THRB: variants seen among roughly 807,000 people sequenced by gnomAD.
THRB encodes thyroid hormone receptor beta.
In THRB, 12 loss-of-function variants were observed where a neutral mutation model predicts 47.8. The ratio of observed to expected loss-of-function variants is 0.25; its 90% CI spans 0.16 to 0.41. The LOEUF is 0.41. THRB is among the 10% of genes least tolerant of loss of function. THRB has a pLI of 1.00. For missense variants in THRB, 348 were observed against 589.2 expected (o/e 0.59, Z 4.24); for synonymous variants, 218 against 212.2 (o/e 1.03, Z -0.24).
chr3:24,169,057 A>T (rs1194228178), intron 5 of THRB, among the ~76,000 whole-genome samples: 1 of 152,134 alleles, frequency 6.6e-6, no homozygotes, highest in Non-Finnish European at 1.5e-5. Flanking sequence ...AAGAAAGATA[A>T]TTGATAAGCT....
chr3:24,471,754 T>A (rs1000100592), intron 1 of THRB, among the ~76,000 whole-genome samples: 4 of 152,204 alleles, frequency 2.6e-5, no homozygotes, highest in African/African-American at 9.6e-5. Flanking sequence ...CATATGGTTG[T>A]TCAACTTGTG....
At chr3:24,218,645 T>C (rs1282915936) in intron 4 of THRB, among the ~76,000 whole-genome samples, 1 of 152,160 alleles carries the variant, frequency 6.6e-6, no homozygotes, top group Non-Finnish European at 1.5e-5. Context: ...TCCCTCATAA[T>C]GGCTGTTGTA....
intron 1 of THRB, among the ~76,000 whole-genome samples, chr3:24,364,868 G>C (rs1577110713): frequency 6.6e-6 from 1 of 152,160 alleles, no homozygotes; most frequent in Non-Finnish European, 1.5e-5. Flanking sequence ...TTTTGCTTTA[G>C]AGAAATACCA....
At chr3:24,336,448 A>ATAGT (rs142763897) in intron 2 of THRB, among the ~76,000 whole-genome samples, 4,723 of 152,318 alleles carry the variant, frequency 0.031, 87 homozygotes, top group African/African-American at 0.051. Context: ...CCATTTTTCC[A>ATAGT]TAGTTTTTAA....
chr3:24,192,369 A>C (rs1335448929), intron 4 of THRB, among the ~76,000 whole-genome samples: 2 of 152,180 alleles, frequency 1.3e-5, no homozygotes, highest in Non-Finnish European at 2.9e-5. Flanking sequence ...TTCTCAGCAC[A>C]CATGTTTTTA....
intron 2 of THRB, among the ~76,000 whole-genome samples, chr3:24,307,190 C>A (rs1353637423): frequency 1.3e-5 from 2 of 151,964 alleles, no homozygotes; most frequent in African/African-American, 4.8e-5. Context: ...TGAACACTAT[C>A]TGAAACCATG....
intron 3 of THRB, among the ~76,000 whole-genome samples, chr3:24,248,542 T>C (rs1430063179): frequency 6.6e-5 from 10 of 152,182 alleles, no homozygotes; most frequent in Non-Finnish European, 1.5e-5. Context: ...TGCTCTATTC[T>C]GTGATGCTGG....
intron 1 of THRB, among the ~76,000 whole-genome samples, chr3:24,378,611 G>T (rs2065465352): frequency 1.3e-5 from 2 of 152,100 alleles, no homozygotes; most frequent in South Asian, 4.2e-4. Flanking sequence ...GTGTATATAG[G>T]CCATTGAGCC....
intron 6 of THRB, among the ~76,000 whole-genome samples, chr3:24,150,390 G>T (rs542347762): frequency 6.6e-6 from 1 of 152,032 alleles, no homozygotes; most frequent in African/African-American, 2.4e-5. Flanking sequence ...TAAGTGATCC[G>T]CACAAGTACC....
At chr3:24,180,470 C>T (rs1163006572) in intron 5 of THRB, among the ~76,000 whole-genome samples, 1 of 152,180 alleles carries the variant, frequency 6.6e-6, no homozygotes, top group Non-Finnish European at 1.5e-5. Context: ...AAAGTCAAGT[C>T]CCTTATATAA....
At chr3:24,466,147 A>G (rs1181675197) in intron 1 of THRB, among the ~76,000 whole-genome samples, 1 of 152,168 alleles carries the variant, frequency 6.6e-6, no homozygotes, top group Non-Finnish European at 1.5e-5. Context: ...ATTAGTTTGT[A>G]AATGACTTCC....
intron 1 of THRB, among the ~76,000 whole-genome samples, chr3:24,485,098 C>T (rs1002314843): frequency 1.8e-4 from 27 of 152,142 alleles, no homozygotes; most frequent in African/African-American, 2.4e-4. Flanking sequence ...AAACTCAACA[C>T]GACAATGTCA....
Position 24,120,015 on chromosome 3 carries a change from G to A in THRB, c.*2869C>T, listed in dbSNP as rs1231559224. 6.6e-6 allele frequency: 1 copy of A among 152,048 alleles called. No individual in the cohort carries two copies. The highest frequency in any genetic ancestry group is 1.5e-5 in the Non-Finnish European group (1 of 68,034). 9.4% of individuals were successfully genotyped at this position (152,048 alleles called of 1,614,324 possible). On this transcript the variant is annotated 3_prime_UTR_variant, in exon 11 of 11. Coordinates refer to ENST00000646209, the MANE Select transcript of THRB (RefSeq NM_001354712.2). ...AGGGGGTGGGAGCGCAGGTGTGAAG[G>A]GTATCTCCATCAGGTCCACACTGGA...
chr3:24,294,862 C>T (rs953058639), intron 3 of THRB, among the ~76,000 whole-genome samples: 2 of 152,196 alleles, frequency 1.3e-5, no homozygotes, highest in Non-Finnish European at 2.9e-5. Context: ...GGAAACTTTC[C>T]CTTAATGCTA....
At chr3:24,194,381 GATC>G (rs2043718181) in intron 4 of THRB, among the ~76,000 whole-genome samples, 3 of 151,986 alleles carry the variant, frequency 2.0e-5, no homozygotes, top group East Asian at 3.9e-4. Context: ...TTCTAGAAAC[GATC>G]ATATCTTGTT....
At chr3:24,419,376 A>T (rs564637375) in intron 1 of THRB, among the ~76,000 whole-genome samples, 13 of 151,946 alleles carry the variant, frequency 8.6e-5, no homozygotes, top group Non-Finnish European at 1.9e-4. Flanking sequence ...TCCCTCCTCT[A>T]TTCTCATTCC....
intron 2 of THRB, among the ~76,000 whole-genome samples, chr3:24,325,039 C>G (rs1326501411): frequency 6.6e-6 from 1 of 152,218 alleles, no homozygotes; most frequent in Non-Finnish European, 1.5e-5. Context: ...TCTCTTCAGA[C>G]TGTGTATTAA....
chr3:24,280,073 T>C (rs1034125176), intron 3 of THRB, among the ~76,000 whole-genome samples: 1 of 152,220 alleles, frequency 6.6e-6, no homozygotes, highest in Admixed American at 6.5e-5. Flanking sequence ...TTATTTATTA[T>C]CTTTCCTTCA....
chr3:24,453,610 G>T (rs895316429), intron 1 of THRB, among the ~76,000 whole-genome samples: 5 of 152,188 alleles, frequency 3.3e-5, no homozygotes, highest in Non-Finnish European at 5.9e-5. Context: ...GAAACAGCTA[G>T]CAGGATCATC....
Sources: allele counts gnomAD v4.1 joint callset (sites outside exome capture counted in the v4.1 genomes callset), GRCh38; gene constraint gnomAD v4.1.1; transcripts MANE v1.5; gene names NCBI Gene and HGNC (gene_info 2026-07-23, HGNC 2026-07-21).